The following HIVEP3 variants were observed in gnomAD, a reference collection of about 807,000 sequenced individuals.
HIVEP3 encodes HIVEP zinc finger 3.
Under a neutral mutation model 152.8 loss-of-function variants are expected in HIVEP3, and 49 were observed. That is an observed-to-expected ratio of 0.32 (90% confidence interval 0.26 to 0.41). The LOEUF (loss-of-function observed/expected upper bound fraction) is 0.41. Among genes scored for constraint, HIVEP3 ranks in the 10% least tolerant of loss-of-function variants. HIVEP3 has a pLI of 1.00. For missense variants in HIVEP3, 2,790 were observed against 3,103.3 expected (o/e 0.90, Z 2.40); for synonymous variants, 1,269 against 1,289.0 (o/e 0.98, Z 0.33).
At chr1:41,735,903 G>A (rs976709959) in intron 1 of HIVEP3, among the ~76,000 whole-genome samples, 4 of 152,142 alleles carry the variant, frequency 2.6e-5, no homozygotes, top group Non-Finnish European at 1.5e-5. Flanking sequence ...GCAGGAGGGT[G>A]GGGGCTCTGG....
chr1:41,518,623 G>C, intron 6 of HIVEP3, 135 bp from the exon 7 acceptor site: 1 of 800,212 alleles, frequency 1.2e-6, no homozygotes, highest in Non-Finnish European at 2.1e-6. Context: ...CTGCAGGGCT[G>C]GGCAGGAGCT....
rs1308162960 is a variant in HIVEP3, at chr1:41,584,047, C to T, written c.751G>A (p.Ala251Thr). The T allele has an allele frequency of 5.0e-6, 8 of 1,614,186 alleles. No homozygotes were observed. Among genetic ancestry groups the T allele is most frequent in the Non-Finnish European group, 6.8e-6 (8 of 1,180,018 alleles). Residue 251 changes from alanine (A) to threonine (T), a missense_variant, in exon 4 of 9, where the codon GCC becomes ACC. Coordinates refer to ENST00000372583, the MANE Select transcript of HIVEP3 (RefSeq NM_024503.5). The surrounding 1 kb of genome is among the most constrained non-coding windows in gnomAD (Gnocchi z 5.2). ...TACATCTCGCCACCCATGCCTGAGG[C>T]CAGGCCTGCTTTGATGCGGTGGGCA... ...SHAHRIKAGL[A>T]SGMGGEMYPH...
At chr1:41,571,467 G>C (rs1049410916) in intron 5 of HIVEP3, among the ~76,000 whole-genome samples, 2 of 152,212 alleles carry the variant, frequency 1.3e-5, no homozygotes, top group Non-Finnish European at 2.9e-5. Context: ...GAAAATGCGG[G>C]CTTTGTTCAG....
In HIVEP3 at chr1:41,918,171, G is replaced by T. The variant is rs1452157660; in HGVS notation, c.-801+242C>A. On this transcript the variant is annotated intron_variant, in intron 1 of 8. Transcript: ENST00000372583. The surrounding 1 kb of genome is among the most constrained non-coding windows in gnomAD (Gnocchi z 4.3). Reference sequence around the variant, plus strand: ...GCGGGGGTCACTTGAGGCTCGCGCCGCTCCCCAGCACCAGGCCGAGCAGCG... The same window carrying T: ...GCGGGGGTCACTTGAGGCTCGCGCCTCTCCCCAGCACCAGGCCGAGCAGCG... 6.6e-6 allele frequency among the ~76,000 whole-genome samples: 1 copy of T among 151,756 alleles called. No individual in the cohort carries two copies. The highest frequency in any genetic ancestry group is 1.5e-5 in the Non-Finnish European group (1 of 67,886).
chr1:41,927,254 G>C (rs1005475215), intron 1 of HIVEP3, among the ~76,000 whole-genome samples: 1 of 152,134 alleles, frequency 6.6e-6, no homozygotes, highest in Admixed American at 6.5e-5. Flanking sequence ...GGGCACCCTT[G>C]GGAGCCACCC....
At chr1:41,644,917 A>T (rs1645436614) in intron 2 of HIVEP3, among the ~76,000 whole-genome samples, 1 of 151,992 alleles carries the variant, frequency 6.6e-6, no homozygotes, top group Non-Finnish European at 1.5e-5. Context: ...ATACTTTAAT[A>T]AAACAATAGC....
chr1:41,540,420 A>C (rs1643500805), intron 5 of HIVEP3, among the ~76,000 whole-genome samples: 2 of 152,226 alleles, frequency 1.3e-5, no homozygotes. Context: ...GTTGGTTGGC[A>C]TCTCTTGCAG....
At chr1:41,530,113 T>C (rs1443099963) in intron 5 of HIVEP3, among the ~76,000 whole-genome samples, 1 of 152,078 alleles carries the variant, frequency 6.6e-6, no homozygotes, top group Non-Finnish European at 1.5e-5. Context: ...CCCTGTTTTT[T>C]TGTCACCTCA....
chr1:41,577,227 A>C (rs1199215947), intron 4 of HIVEP3, among the ~76,000 whole-genome samples: 1 of 152,208 alleles, frequency 6.6e-6, no homozygotes, highest in Non-Finnish European at 1.5e-5. Context: ...AGTATAGTTA[A>C]AAATACTTAC....
chr1:41,581,053 G>A lies in HIVEP3; in HGVS notation c.3745C>T (p.Gln1249Ter). The change falls in exon 4 of 9, where the codon CAG becomes TAG. Residue 1249 changes from glutamine to a stop codon, truncating the protein, a stop_gained. Coordinates refer to ENST00000372583, the MANE Select transcript of HIVEP3 (RefSeq NM_024503.5). LOFTEE classifies it high-confidence loss of function. This position sits in a 1 kb window ranked among gnomAD's most constrained non-coding sequence, Gnocchi z 4.5. ...TGGCTTTCCACATCACCAGGGAGCTGAAGTGCAAACTGGGATTGCAGAGGC... is the reference window on the plus strand; with the variant it reads ...TGGCTTTCCACATCACCAGGGAGCTAAAGTGCAAACTGGGATTGCAGAGGC... Reference protein sequence around the residue: ...FLPLQSQFALQLPGDVESHLP... With the variant: ...FLPLQSQFAL 1 of 1,559,264 alleles carries A rather than the reference G, an allele frequency of 6.4e-7. No individual in the cohort carries two copies. Among genetic ancestry groups the A allele is most frequent in the Non-Finnish European group, 8.7e-7 (1 of 1,151,678 alleles).
In HIVEP3 at chr1:41,580,156, G is replaced by A. The variant is rs1358942201; in HGVS notation, c.4642C>T (p.Pro1548Ser). 1 of 1,613,282 alleles carries A rather than the reference G, an allele frequency of 6.2e-7. No individual in the cohort carries two copies. Among genetic ancestry groups the A allele is most frequent in the Admixed American group, 1.7e-5 (1 of 59,944 alleles). Residue 1548 changes from proline to serine, a missense_variant, in exon 4 of 9, where the codon CCA becomes TCA. Physicochemically the swap from Pro to Ser is moderately conservative, Grantham distance 74 (BLOSUM62 -1). Transcript: ENST00000372583. ...SGKPHRRGLT[P>S]LSVKKEDSKE... Reference sequence around the variant, plus strand: ...GAATCTTCTTTCTTCACGCTCAGTGGGGTCAACCCTCTTCGGTGAGGTTTG... The same window carrying A: ...GAATCTTCTTTCTTCACGCTCAGTGAGGTCAACCCTCTTCGGTGAGGTTTG...
chr1:41,735,613 C>T (rs1164426822), intron 1 of HIVEP3, among the ~76,000 whole-genome samples: 1 of 152,146 alleles, frequency 6.6e-6, no homozygotes, highest in Non-Finnish European at 1.5e-5. Flanking sequence ...CTGCCTTTCT[C>T]CCCTATGGCT....
At chr1:41,885,574 A>G (rs1644331726) in intron 1 of HIVEP3, among the ~76,000 whole-genome samples, 1 of 152,220 alleles carries the variant, frequency 6.6e-6, no homozygotes, top group African/African-American at 2.4e-5. Context: ...CTGAGGCATG[A>G]GAATCACTTG....
intron 1 of HIVEP3, among the ~76,000 whole-genome samples, chr1:41,915,327 T>C (rs1644854494): frequency 6.6e-6 from 1 of 152,252 alleles, no homozygotes; most frequent in Non-Finnish European, 1.5e-5. Flanking sequence ...AATGCTCATA[T>C]CAGCTTTAGA....
At chr1:41,638,674 G>A (rs1645325211) in intron 2 of HIVEP3, among the ~76,000 whole-genome samples, 1 of 152,218 alleles carries the variant, frequency 6.6e-6, no homozygotes, top group Admixed American at 6.5e-5. Context: ...CCCACCCAGG[G>A]CAGGAAGGAC....
chr1:41,583,113 G>A lies in HIVEP3; in HGVS notation c.1685C>T (p.Ser562Phe). 2 of 1,613,840 alleles carry A rather than the reference G, an allele frequency of 1.2e-6. No homozygotes were observed. The highest frequency in any genetic ancestry group is 2.2e-5 in the East Asian group (1 of 44,858). Residue 562 changes from serine (S) to phenylalanine (F), a missense_variant, in exon 4 of 9, where the codon TCC (serine) becomes TTC (phenylalanine). Around this residue, in one of 9 missense-constraint regions of HIVEP3, gnomAD observed 339 missense variants for 327.0 expected, o/e 1.04. Transcript: ENST00000372583. This position sits in a 1 kb window ranked among gnomAD's most constrained non-coding sequence, Gnocchi z 6.9. ...GGAGTCGGTGATATGGTCATCGAAG[G>A]AGTAGCTACCTCGGAAGGGGTGGTG... Reference protein sequence around the residue: ...TPHHPFRGSYSFDDHITDSEA... With the variant: ...TPHHPFRGSYFFDDHITDSEA...
intron 1 of HIVEP3, among the ~76,000 whole-genome samples, chr1:41,850,935 C>T (rs976334945): frequency 2.6e-5 from 4 of 152,064 alleles, no homozygotes; most frequent in Non-Finnish European, 4.4e-5. Context: ...AAACTGCTGC[C>T]CCAGTTTTCT....
intron 1 of HIVEP3, among the ~76,000 whole-genome samples, chr1:41,856,374 G>A (rs575961706): frequency 2.0e-4 from 31 of 152,172 alleles, no homozygotes; most frequent in Admixed American, 5.2e-4. Context: ...GGCTGGGCAC[G>A]CTCAAGGTGA....
intron 1 of HIVEP3, among the ~76,000 whole-genome samples, chr1:41,910,996 G>C (rs1157549715): frequency 6.6e-6 from 1 of 151,942 alleles, no homozygotes; most frequent in Non-Finnish European, 1.5e-5. Context: ...AATGATAAAG[G>C]AAAGATTGAT....
Sources: gnomAD v4.1 joint callset for allele counts (sites outside exome capture counted in the v4.1 genomes callset) on GRCh38, gnomAD v4.1.1 for gene constraint, gnomAD v4.1.1 regional missense constraint, Gnocchi (gnomAD v3.1) non-coding constraint, MANE v1.5 for transcripts, NCBI Gene and HGNC (gene_info 2026-07-23, HGNC 2026-07-21) for gene names.